The following SMYD4 variants were observed in gnomAD, a reference collection of about 807,000 sequenced individuals.
SMYD4 encodes the protein SET and MYND domain containing 4.
In SMYD4, 68 loss-of-function variants were observed where a neutral mutation model predicts 72.8. The ratio of observed to expected loss-of-function variants is 0.93; its 90% confidence interval spans 0.77 to 1.14. The LOEUF (loss-of-function observed/expected upper bound fraction) is 1.14. Ranked by LOEUF, SMYD4 falls within the 50% of genes most tolerant of loss-of-function variation. The probability of loss-of-function intolerance (pLI) is 0.00; values close to 1 mark genes in which losing one functional copy is unlikely to be tolerated. For missense variants in SMYD4, 984 were observed against 1,003.7 expected (o/e 0.98, Z 0.27); for synonymous variants, 407 against 388.6 (o/e 1.05, Z -0.56).
intron 5 of SMYD4, among the ~76,000 whole-genome samples, chr17:1,790,486 A>G (rs1908960633): frequency 6.6e-6 from 1 of 152,104 alleles, no homozygotes; most frequent in Non-Finnish European, 1.5e-5. Context: ...ATACCAAAAC[A>G]GTACCTTGCT....
At chr17:1,781,599 A>C in intron 10 of SMYD4, 160 bp from the exon 11 acceptor site, 1 of 750,140 alleles carries the variant, frequency 1.3e-6, no homozygotes, top group Admixed American at 3.4e-5. Flanking sequence ...CACGCTGCAA[A>C]ACAAAAGTGT....
chr17:1,791,877 A>T (rs1042123376), intron 5 of SMYD4, among the ~76,000 whole-genome samples: 1 of 152,022 alleles, frequency 6.6e-6, no homozygotes, highest in African/African-American at 2.4e-5. Flanking sequence ...ACAGAGTGAG[A>T]CCCTGTCTCA....
At chr17:1,782,893 A>G in intron 10 of SMYD4, 142 bp downstream of exon 10, 1 of 1,343,956 alleles carries the variant, frequency 7.4e-7, no homozygotes, top group Non-Finnish European at 1.0e-6. Flanking sequence ...GTTTGTTAGC[A>G]AAACAGAAGG....
chr17:1,782,137 C>T (rs948552433), intron 10 of SMYD4: 11 of 152,240 alleles, frequency 7.2e-5, no homozygotes, highest in African/African-American at 2.6e-4. Flanking sequence ...AGCTCATCAG[C>T]GTGCTGTTCT....
At chr17:1,790,479 C>T (rs1473200330) in intron 5 of SMYD4, among the ~76,000 whole-genome samples, 1 of 152,014 alleles carries the variant, frequency 6.6e-6, no homozygotes, top group Non-Finnish European at 1.5e-5. Context: ...TGATTCTATA[C>T]CAAAACAGTA....
At chr17:1,788,595 A>ATTAGC (rs954711196) in intron 5 of SMYD4, among the ~76,000 whole-genome samples, 2 of 151,844 alleles carry the variant, frequency 1.3e-5, no homozygotes, top group African/African-American at 4.8e-5. Flanking sequence ...AACACAAAAA[A>ATTAGC]TTAGCTGGGT....
chr17:1,784,855 C>T (rs926595700), intron 7 of SMYD4, among the ~76,000 whole-genome samples: 13 of 151,836 alleles, frequency 8.6e-5, no homozygotes, highest in African/African-American at 1.2e-4. Flanking sequence ...CTCCAAGCTC[C>T]GCCTCCCGGG....
intron 4 of SMYD4, 45 bp from the exon 5 acceptor site, chr17:1,801,069 C>CTTCAATG (rs746539449): frequency 1.3e-6 from 2 of 1,506,832 alleles, no homozygotes; most frequent in East Asian, 4.6e-5. Context: ...GGTCCCTATT[C>CTTCAATG]TTCAATGTTT....
At position 1,787,096 on chromosome 17, in the gene SMYD4, A is replaced by C. The variant is rs150044762; in HGVS notation, c.1721-123T>G. ...TCATGTGACAGCTAACCTTTACCCA[A>C]ATATTTGTGGAACTGGATACTAAAA... On this transcript the variant is annotated intron_variant, in intron 6 of 10. Transcript: ENST00000305513. The C allele has an allele frequency of 2.4e-4, 305 of 1,256,068 alleles. 1 individual carries two copies. The East Asian group carries it at 6.4e-3, about 27-fold the overall frequency. The allele number at this position is 1,256,068 out of a possible 1,614,324, so 77.8% of individuals were successfully genotyped here. A position where few individuals can be genotyped will look rare whatever the true frequency, so the allele number is the denominator to read the frequency against.
rs1466043758 is a variant in SMYD4 at position 1,829,858 on chromosome 17, A to ACCGCGTCCGGCGTC, written c.-159_-146dup. On this transcript the variant is annotated 5_prime_UTR_variant, in exon 1 of 11. Coordinates refer to ENST00000305513, the MANE Select transcript of SMYD4 (RefSeq NM_052928.3). ...CCCTTGGCGCCCCGCTCCGCCCCGC[A>ACCGCGTCCGGCGTC]CCGCGTCCGGCGTCCCGCGCCAGGC... 5.9e-6 allele frequency: 2 copies of ACCGCGTCCGGCGTC among 337,776 alleles called. No individual in the cohort carries two copies. Among genetic ancestry groups the ACCGCGTCCGGCGTC allele is most frequent in the Non-Finnish European group, 1.0e-5 (2 of 193,716 alleles). The allele number at this position is 337,776 out of a possible 1,614,324, so 20.9% of individuals were successfully genotyped here.
rs551592069 is a variant in SMYD4, at chr17:1,783,244, G to A, written c.2138-86C>T. On this transcript the variant is annotated intron_variant, in intron 9 of 10. Coordinates refer to ENST00000305513, the MANE Select transcript of SMYD4 (RefSeq NM_052928.3). ...TTCAGGGGGAGGAAATGGAACGAGAGGGGGAGCACCCTCAGTTTACAGAGC... is the reference window on the plus strand; with the variant it reads ...TTCAGGGGGAGGAAATGGAACGAGAAGGGGAGCACCCTCAGTTTACAGAGC... 1.4e-4 allele frequency: 232 copies of A among 1,611,812 alleles called. 1 individual carries two copies. The highest frequency in any genetic ancestry group is 3.8e-4 in the Middle Eastern group (2 of 5,242).
intron 2 of SMYD4, among the ~76,000 whole-genome samples, chr17:1,821,012 G>C (rs1274879540): frequency 6.6e-6 from 1 of 152,122 alleles, no homozygotes; most frequent in Non-Finnish European, 1.5e-5. Flanking sequence ...GAATTAGTGA[G>C]AGACATACAG....
intron 2 of SMYD4, among the ~76,000 whole-genome samples, chr17:1,815,032 T>C (rs73299053): frequency 0.018 from 2,766 of 152,226 alleles, 103 homozygotes; most frequent in African/African-American, 0.064. Context: ...AAAATTCTTC[T>C]TGCCTAACAA....
At chr17:1,817,464 C>T (rs1910669048) in intron 2 of SMYD4, among the ~76,000 whole-genome samples, 1 of 152,042 alleles carries the variant, frequency 6.6e-6, no homozygotes, top group African/African-American at 2.4e-5. Flanking sequence ...ACCTCAGCTT[C>T]CTGAGTAGCT....
chr17:1,804,387 C>T lies in SMYD4; in HGVS notation c.369+239G>A, dbSNP rs549878296. 34 of 385,146 alleles carry T rather than the reference C, an allele frequency of 8.8e-5. No homozygotes were observed. In the East Asian group the frequency reaches 1.6e-3, roughly 18 times the overall value. The allele number at this position is 385,146 out of a possible 1,614,324, so 23.9% of individuals were successfully genotyped here. On this transcript the variant is annotated intron_variant, in intron 4 of 10. Coordinates refer to ENST00000305513, the MANE Select transcript of SMYD4 (RefSeq NM_052928.3). ...AGACAGGGTTCCACTGTGTCGGCCA[C>T]GCTGGTCTTGAACTCTTGACCTCAG...
At chr17:1,782,926 A>C in intron 10 of SMYD4, 109 bp downstream of exon 10, 2 of 1,477,538 alleles carry the variant, frequency 1.4e-6, no homozygotes, top group Non-Finnish European at 1.8e-6. Context: ...CTAAAGAGGA[A>C]ATAAAGAAGT....
intron 1 of SMYD4, 27 bp from the exon 2 acceptor site, chr17:1,828,033 T>C: frequency 1.9e-6 from 3 of 1,585,266 alleles, no homozygotes; most frequent in Non-Finnish European, 2.6e-6. Context: ...AAAATAGGAA[T>C]CTTACAAATG....
In SMYD4 at chr17:1,794,057, G is replaced by A. The variant is rs12940992; in HGVS notation, c.1537+5800C>T. 5.4e-3 allele frequency among the ~76,000 whole-genome samples: 253 copies of A among 46,818 alleles called. 8 individuals carry two copies. The highest frequency in any genetic ancestry group is 0.016 in the African/African-American group (238 of 15,342). 30.7% of individuals were successfully genotyped at this position (46,818 alleles called of 152,430 possible). On this transcript the variant is annotated intron_variant, in intron 5 of 10. Transcript: ENST00000305513. ...TATATGTATGTATATATATATGTGT[G>A]TATATATATGTGTATATATATGTGT...
At chr17:1,809,381 A>T (rs574369813) in intron 3 of SMYD4, among the ~76,000 whole-genome samples, 2,414 of 111,674 alleles carry the variant, frequency 0.022, 53 homozygotes, top group African/African-American at 0.051. Context: ...TATTATTATT[A>T]TTTTTTTTTT....
Sources: allele counts gnomAD v4.1 joint callset (sites outside exome capture counted in the v4.1 genomes callset), GRCh38; gene constraint gnomAD v4.1.1; transcripts MANE v1.5; gene names NCBI Gene and HGNC (gene_info 2026-07-23, HGNC 2026-07-21).